The following CCDC191 variants were observed in gnomAD, a reference collection of about 807,000 sequenced individuals.
CCDC191 encodes coiled-coil domain-containing protein 191.
Under a neutral mutation model 114.0 loss-of-function variants are expected in CCDC191, and 99 were observed. The ratio of observed to expected loss-of-function variants is 0.87; its 90% CI spans 0.74 to 1.03. The LOEUF is 1.03. Among genes scored for constraint, CCDC191 ranks in the 50% least tolerant of loss-of-function variants. CCDC191 has a pLI of 0.00. For synonymous variants in CCDC191, 351 were observed against 376.0 expected, an observed-to-expected ratio of 0.93 and a Z score of 0.77; for missense variants, 973 against 1,087.0, an observed-to-expected ratio of 0.90 and a Z score of 1.47.
At chr3:113,966,155 T>C (rs948434275) in intron 16 of CCDC191, among the ~76,000 whole-genome samples, 1 of 152,130 alleles carries the variant, frequency 6.6e-6, no homozygotes, top group African/African-American at 2.4e-5. Flanking sequence ...CGTAGACATA[T>C]TTTAAAAGCC....
At position 114,056,397 on chromosome 3, in the gene CCDC191, T is replaced by C. The variant is rs772327186; in HGVS notation, c.70A>G (p.Thr24Ala). ...RMGLNRWKRF[T>A]RKPSPKPTFG... ...ATCACCTTGGGACTCGGCTTCCTTG[T>C]GAACCGTTTCCAGCGATTCAGCCCC... The change falls in exon 1 of 17, where the codon ACA (threonine) becomes GCA (alanine). Residue 24 changes from threonine (T) to alanine (A), a missense_variant. By Grantham distance (58) the Thr-to-Ala change is moderately conservative (BLOSUM62 0). Coordinates refer to ENST00000295878, the MANE Select transcript of CCDC191 (RefSeq NM_020817.2). 18 of 1,614,142 alleles carry C rather than the reference T, an allele frequency of 1.1e-5. No individual in the cohort carries two copies. In the South Asian group the frequency reaches 2.0e-4, roughly 18 times the overall value.
At chr3:114,017,934 C>T (rs1010103850) in intron 8 of CCDC191, among the ~76,000 whole-genome samples, 1 of 152,082 alleles carries the variant, frequency 6.6e-6, no homozygotes. Context: ...CAAACTTGAA[C>T]TTGTAAATAA....
intron 16 of CCDC191, among the ~76,000 whole-genome samples, chr3:113,976,297 CAAAA>C (rs1033300763): frequency 2.0e-5 from 3 of 150,656 alleles, no homozygotes; most frequent in East Asian, 1.9e-4. Context: ...CAAAAACAAA[CAAAA>C]AAGACAGAGG....
chr3:113,985,477 G>A (rs1306520442), intron 13 of CCDC191, among the ~76,000 whole-genome samples: 3 of 152,058 alleles, frequency 2.0e-5, no homozygotes, highest in East Asian at 1.9e-4. Flanking sequence ...TGCGGATAAA[G>A]GGAAAAAGGG....
At chr3:114,023,675 C>T (rs1266306861) in intron 7 of CCDC191, among the ~76,000 whole-genome samples, 13 of 152,150 alleles carry the variant, frequency 8.5e-5, no homozygotes, top group African/African-American at 2.4e-4. Context: ...GAAAATGGAT[C>T]GCTTCCTTAC....
chr3:113,965,177 T>C lies in CCDC191; in HGVS notation c.2789A>G (p.Lys930Arg). The change falls in exon 17 of 17, where the codon AAG becomes AGG. Residue 930 changes from lysine (K) to arginine (R), a missense_variant. Lys to Arg is a conservative substitution (Grantham distance 26). Coordinates refer to ENST00000295878, the MANE Select transcript of CCDC191 (RefSeq NM_020817.2). The stretch of plus-strand genomic sequence containing the variant: ...GGCTCATTCGTTCACCAGACTTGTC[T>C]TACTCAAGGACCAAGTATCTGATTG... ...YQQSDTWSLS[K>R]TSLVNE 1.9e-6 allele frequency: 3 copies of C among 1,604,296 alleles called. No individual in the cohort carries two copies. The highest frequency in any genetic ancestry group is 1.3e-5 in the African/African-American group (1 of 74,572).
intron 15 of CCDC191, 179 bp from the exon 16 acceptor site, chr3:113,978,510 G>C (rs950236522): frequency 4.6e-6 from 3 of 656,768 alleles, no homozygotes; most frequent in Non-Finnish European, 7.6e-6. Flanking sequence ...TCCTAAAAAT[G>C]GTAAGAGAAC....
intron 2 of CCDC191, among the ~76,000 whole-genome samples, chr3:114,052,720 T>C (rs1417033162): frequency 6.6e-6 from 1 of 152,226 alleles, no homozygotes; most frequent in Non-Finnish European, 1.5e-5. Flanking sequence ...TAGTACTTAG[T>C]AGGCACTCAA....
chr3:114,052,226 A>G (rs1416112031), intron 2 of CCDC191, among the ~76,000 whole-genome samples: 2 of 152,206 alleles, frequency 1.3e-5, no homozygotes, highest in African/African-American at 4.8e-5. Flanking sequence ...GACAGAGCCA[A>G]TGCAGAAATG....
chr3:114,056,603 T>G (rs1166987506), upstream of CCDC191: 3 of 1,577,456 alleles, frequency 1.9e-6, no homozygotes, highest in African/African-American at 1.3e-5. Context: ...GAACCACCAC[T>G]CCCACGAGGC....
chr3:113,989,292 TACTC>T (rs1192979634), intron 13 of CCDC191, among the ~76,000 whole-genome samples: 2 of 152,152 alleles, frequency 1.3e-5, no homozygotes, highest in African/African-American at 2.4e-5. Flanking sequence ...CAGTAAAACA[TACTC>T]AAACAATGTG....
intron 16 of CCDC191, among the ~76,000 whole-genome samples, chr3:113,969,425 G>C (rs888702775): frequency 8.5e-5 from 13 of 152,184 alleles, no homozygotes; most frequent in Admixed American, 5.9e-4. Flanking sequence ...TCTTTGGCCA[G>C]ACCAGTGGCC....
At chr3:113,991,238 A>AG in intron 13 of CCDC191, among the ~76,000 whole-genome samples, 1 of 150,924 alleles carries the variant, frequency 6.6e-6, no homozygotes, top group Non-Finnish European at 1.5e-5. Context: ...TCCAAAAAAA[A>AG]AAAAAAGAAA....
intron 13 of CCDC191, among the ~76,000 whole-genome samples, chr3:113,991,583 A>C (rs1391951677): frequency 6.6e-6 from 1 of 152,200 alleles, no homozygotes; most frequent in Non-Finnish European, 1.5e-5. Context: ...TGAGATACTG[A>C]ATGCTTTCCC....
intron 16 of CCDC191, among the ~76,000 whole-genome samples, chr3:113,969,377 CTTTGGTTG>C (rs551201637): frequency 1.1e-4 from 17 of 152,200 alleles, no homozygotes; most frequent in African/African-American, 4.1e-4. Context: ...TCTATTTTTG[CTTTGGTTG>C]TCTGTGCTTT....
chr3:114,024,279 G>A (rs1177307075), intron 7 of CCDC191, among the ~76,000 whole-genome samples: 2 of 152,206 alleles, frequency 1.3e-5, no homozygotes, highest in Non-Finnish European at 2.9e-5. Context: ...AACCGTTGTG[G>A]AAGTCAGTGT....
At chr3:114,003,584 A>T (rs1178506772) in intron 11 of CCDC191, 9 of 985,316 alleles carry the variant, frequency 9.1e-6, no homozygotes, top group Admixed American at 1.2e-4. Flanking sequence ...TTGAAAGTAG[A>T]CTGGGCTTCT....
At chr3:113,997,671 C>G (rs1458994421) in intron 13 of CCDC191, among the ~76,000 whole-genome samples, 1 of 152,060 alleles carries the variant, frequency 6.6e-6, no homozygotes, top group Non-Finnish European at 1.5e-5. Flanking sequence ...ATTTGAGCAA[C>G]AAAATAAATA....
At chr3:113,998,172 G>A (rs1343895348) in intron 13 of CCDC191, among the ~76,000 whole-genome samples, 1 of 151,748 alleles carries the variant, frequency 6.6e-6, no homozygotes, top group Non-Finnish European at 1.5e-5. Flanking sequence ...CAGGCGTGGT[G>A]GTGCATGACT....
Sources: gnomAD v4.1 joint callset for allele counts (sites outside exome capture counted in the v4.1 genomes callset) on GRCh38, gnomAD v4.1.1 for gene constraint, MANE v1.5 for transcripts, NCBI Gene and HGNC (gene_info 2026-07-23, HGNC 2026-07-21) for gene names.